CTBP2: variants seen among roughly 807,000 people sequenced by gnomAD.
The protein encoded by CTBP2 is C-terminal-binding protein 2.
A neutral mutation model predicts 80.3 loss-of-function variants in CTBP2; 30 were observed. The ratio of observed to expected loss-of-function variants is 0.37; its 90% confidence interval spans 0.28 to 0.51. The LOEUF (loss-of-function observed/expected upper bound fraction) is 0.51, where lower values mean the gene tolerates loss of function less well. Ranked by LOEUF, CTBP2 falls within the 20% of genes least tolerant of loss-of-function variation. The probability of loss-of-function intolerance (pLI) is 0.93; values close to 1 mark genes in which losing one functional copy is unlikely to be tolerated. For missense variants in CTBP2, 1,212 were observed against 1,375.3 expected (o/e 0.88, Z 1.88); for synonymous variants, 594 against 587.4 (o/e 1.01, Z -0.16).
At chr10:125,043,129 C>T (rs531325823) in intron 2 of CTBP2, among the ~76,000 whole-genome samples, 11 of 152,112 alleles carry the variant, frequency 7.2e-5, no homozygotes, top group Non-Finnish European at 1.6e-4. Flanking sequence ...AGATTTGTTC[C>T]GTGGAGGTAT....
intron 1 of CTBP2, among the ~76,000 whole-genome samples, chr10:125,024,072 GA>G (rs938374540): frequency 6.6e-6 from 1 of 152,198 alleles, no homozygotes; most frequent in Non-Finnish European, 1.5e-5. Context: ...GTGCTTTCCT[GA>G]AATGTCAACA....
chr10:125,073,951 G>C (rs1845906838), intron 2 of CTBP2, among the ~76,000 whole-genome samples: 1 of 152,310 alleles, frequency 6.6e-6, no homozygotes, highest in African/African-American at 2.4e-5. Flanking sequence ...CGTGAACCCT[G>C]ATCTTCAATC....
At chr10:125,144,934 C>G (rs1858479833) in intron 1 of CTBP2, among the ~76,000 whole-genome samples, 1 of 152,198 alleles carries the variant, frequency 6.6e-6, no homozygotes, top group South Asian at 2.1e-4. Context: ...TCAAGTGCAT[C>G]TGAATACGGA....
chr10:124,991,893 T>TGGGG (rs11459870), intron 8 of CTBP2, among the ~76,000 whole-genome samples: 613 of 60,342 alleles, frequency 0.01, 4 homozygotes, highest in Admixed American at 0.014. Flanking sequence ...CCAGCAATAA[T>TGGGG]GGGGGGGGGG....
At chr10:125,017,652 C>A (rs1335943066) in intron 1 of CTBP2, among the ~76,000 whole-genome samples, 3 of 152,352 alleles carry the variant, frequency 2.0e-5, no homozygotes, top group Non-Finnish European at 4.4e-5. Flanking sequence ...GGCATTTGCT[C>A]TTCACTGGGA....
At position 124,984,937 on chromosome 10, in the gene CTBP2, G is replaced by A. The variant is rs771314435; in HGVS notation, c.*4581C>T. 14 of 1,613,920 alleles carry A rather than the reference G, an allele frequency of 8.7e-6. No homozygotes were observed. Among genetic ancestry groups the A allele is most frequent in the Non-Finnish European group, 1.2e-5 (14 of 1,179,996 alleles). On this transcript the variant is annotated 3_prime_UTR_variant, in exon 9 of 9. Coordinates refer to ENST00000309035, the MANE Select transcript of CTBP2 (RefSeq NM_022802.3). ...TGGCTTGACCGCTACCGACAGATCC[G>A]GCCGTGTACATCCCTGTCTGATGGA...
chr10:125,029,889 A>G (rs980037383), upstream of CTBP2, among the ~76,000 whole-genome samples: 1 of 152,154 alleles, frequency 6.6e-6, no homozygotes, highest in Non-Finnish European at 1.5e-5. Flanking sequence ...GAGGTTACTG[A>G]GCTGGTGTCC....
chr10:125,112,436 T>C (rs963694998), intron 1 of CTBP2, among the ~76,000 whole-genome samples: 20 of 144,670 alleles, frequency 1.4e-4, no homozygotes, highest in African/African-American at 4.4e-4. Context: ...TTTCGTTTTT[T>C]TTTTTTTTTT....
intron 1 of CTBP2, among the ~76,000 whole-genome samples, chr10:125,125,486 T>C (rs1032595128): frequency 5.3e-5 from 8 of 152,072 alleles, no homozygotes; most frequent in Non-Finnish European, 8.8e-5. Flanking sequence ...AGTAAGGAGG[T>C]ACTAAGCATC....
At chr10:125,117,584 T>C (rs997408122) in intron 1 of CTBP2, among the ~76,000 whole-genome samples, 28 of 152,122 alleles carry the variant, frequency 1.8e-4, no homozygotes, top group African/African-American at 6.8e-4. Flanking sequence ...GGTTGGCACA[T>C]GGGGAAAAGA....
intron 2 of CTBP2, among the ~76,000 whole-genome samples, chr10:125,052,816 C>A (rs1963085149): frequency 6.6e-6 from 1 of 152,216 alleles, no homozygotes; most frequent in Non-Finnish European, 1.5e-5. Flanking sequence ...ACGGAGCGCC[C>A]ACTGGATCTC....
intron 2 of CTBP2, among the ~76,000 whole-genome samples, chr10:125,041,884 GA>G (rs1959924296): frequency 6.7e-6 from 1 of 150,186 alleles, no homozygotes; most frequent in Non-Finnish European, 1.5e-5. Flanking sequence ...GCAATCAAAG[GA>G]AAGATCAGCC....
At chr10:125,012,135 G>C (rs1445904768) in intron 1 of CTBP2, among the ~76,000 whole-genome samples, 1 of 152,260 alleles carries the variant, frequency 6.6e-6, no homozygotes, top group Non-Finnish European at 1.5e-5. Flanking sequence ...AAGGACGTGA[G>C]GCTCTGCTTC....
chr10:125,132,079 A>C (rs1354879608), intron 1 of CTBP2, among the ~76,000 whole-genome samples: 9 of 152,238 alleles, frequency 5.9e-5, no homozygotes, highest in Admixed American at 5.2e-4. Flanking sequence ...TGACCACTGA[A>C]TCAAATCAGA....
intron 2 of CTBP2, among the ~76,000 whole-genome samples, chr10:125,045,057 A>C (rs1357721855): frequency 6.6e-6 from 1 of 152,166 alleles, no homozygotes; most frequent in African/African-American, 2.4e-5. Flanking sequence ...TGAATGTGCA[A>C]ACCCTAATGC....
chr10:125,040,445 C>G (rs148969676), intron 2 of CTBP2, among the ~76,000 whole-genome samples: 1,957 of 114,682 alleles, frequency 0.017, 68 homozygotes, highest in Admixed American at 0.11. Context: ...CAGAGCAAGA[C>G]TCTGTCTTTA....
Position 124,984,825 on chromosome 10 carries a change from T to C in CTBP2, c.*4693A>G. On this transcript the variant is annotated 3_prime_UTR_variant, in exon 9 of 9. Coordinates refer to ENST00000309035, the MANE Select transcript of CTBP2 (RefSeq NM_022802.3). Reference sequence around the variant, plus strand: ...ACTGCTCAGGGAGTGGCTGGACTGCTGTGTGACGGAGGGGGGAGTTCTGGT... The same window carrying C: ...ACTGCTCAGGGAGTGGCTGGACTGCCGTGTGACGGAGGGGGGAGTTCTGGT... 6.2e-7 allele frequency: 1 copy of C among 1,614,006 alleles called. No individual in the cohort carries two copies. The highest frequency in any genetic ancestry group is 8.5e-7 in the Non-Finnish European group (1 of 1,180,004).
intron 2 of CTBP2, among the ~76,000 whole-genome samples, chr10:125,057,644 T>C (rs754403540): frequency 4.6e-4 from 70 of 152,200 alleles, no homozygotes; most frequent in Non-Finnish European, 9.3e-4. Context: ...AATGTTTCAA[T>C]AAATCCATCA....
intron 1 of CTBP2, among the ~76,000 whole-genome samples, chr10:125,010,764 T>G (rs1033969564): frequency 5.3e-5 from 8 of 151,896 alleles, no homozygotes; most frequent in African/African-American, 1.9e-4. Context: ...ACAAAATGAG[T>G]GCCGGGGAAT....
Sources: allele counts gnomAD v4.1 joint callset (sites outside exome capture counted in the v4.1 genomes callset), GRCh38; gene constraint gnomAD v4.1.1; transcripts MANE v1.5; gene names NCBI Gene and HGNC (gene_info 2026-07-23, HGNC 2026-07-21).